The following RBMS3 variants were observed in gnomAD, a reference collection of about 807,000 sequenced individuals.
RBMS3 encodes RNA-binding motif, single-stranded-interacting protein 3.
A neutral mutation model predicts 66.8 loss-of-function variants in RBMS3; 27 were observed. The ratio of observed to expected loss-of-function variants is 0.40; its 90% CI spans 0.30 to 0.56. The LOEUF (loss-of-function observed/expected upper bound fraction) is 0.56. Ranked by LOEUF, RBMS3 falls within the 20% of genes least tolerant of loss-of-function variation. The probability of loss-of-function intolerance (pLI) is 0.40; values close to 1 mark genes in which losing one functional copy is unlikely to be tolerated. For missense variants in RBMS3, 513 were observed against 549.5 expected (o/e 0.93, Z 0.66); for synonymous variants, 188 against 183.0 (o/e 1.03, Z -0.22).
chr3:29,917,461 G>T (rs2060666675), intron 10 of RBMS3, among the ~76,000 whole-genome samples: 1 of 152,056 alleles, frequency 6.6e-6, no homozygotes, highest in Non-Finnish European at 1.5e-5. Flanking sequence ...GAGATTTAAT[G>T]CAGTATAAAT....
intron 1 of RBMS3, among the ~76,000 whole-genome samples, chr3:29,366,075 T>C (rs13085378): frequency 0.65 from 98,282 of 152,042 alleles, 32,126 homozygotes; most frequent in Non-Finnish European, 0.69. Flanking sequence ...ACTTTAAGCT[T>C]TAAAAATATT....
intron 4 of RBMS3, among the ~76,000 whole-genome samples, chr3:29,696,354 C>T (rs9845517): frequency 0.12 from 17,975 of 152,152 alleles, 2,272 homozygotes; most frequent in African/African-American, 0.32. Flanking sequence ...ACATAGAACA[C>T]AGTAAGTGCT....
chr3:29,951,151 A>G (rs932337072), intron 12 of RBMS3, among the ~76,000 whole-genome samples: 2 of 151,852 alleles, frequency 1.3e-5, no homozygotes, highest in Non-Finnish European at 2.9e-5. Context: ...AAAGCTTCTA[A>G]TTCCTTTATT....
At chr3:29,961,818 A>G (rs1696467861) in intron 12 of RBMS3, among the ~76,000 whole-genome samples, 1 of 151,732 alleles carries the variant, frequency 6.6e-6, no homozygotes, top group Admixed American at 6.6e-5. Context: ...TGTGAGGATT[A>G]TGGGAACTAC....
chr3:29,799,615 A>AC (rs369969479), intron 6 of RBMS3, among the ~76,000 whole-genome samples: 10 of 151,964 alleles, frequency 6.6e-5, no homozygotes, highest in African/African-American at 1.7e-4. Flanking sequence ...ACTAAGCATG[A>AC]CCCCCCTCAG....
chr3:29,449,109 T>C (rs17023528), intron 2 of RBMS3, among the ~76,000 whole-genome samples: 32,849 of 152,084 alleles, frequency 0.22, 3,694 homozygotes, highest in African/African-American at 0.25. Flanking sequence ...AATGCTAACT[T>C]GTCTCAAAAA....
At chr3:29,999,456 A>G (rs986283795) in intron 14 of RBMS3, among the ~76,000 whole-genome samples, 1 of 152,238 alleles carries the variant, frequency 6.6e-6, no homozygotes, top group Non-Finnish European at 1.5e-5. Context: ...ATAAAGGCAC[A>G]TGCACATGTA....
At chr3:29,638,615 C>T (rs371881308) in intron 4 of RBMS3, among the ~76,000 whole-genome samples, 1 of 151,720 alleles carries the variant, frequency 6.6e-6, no homozygotes, top group African/African-American at 2.4e-5. Context: ...CAATTCTTGC[C>T]GTCCTGGAAC....
intron 1 of RBMS3, among the ~76,000 whole-genome samples, chr3:29,432,114 G>A (rs1005607479): frequency 5.3e-5 from 8 of 152,102 alleles, no homozygotes; most frequent in South Asian, 4.1e-4. Context: ...CTTGAAGCTC[G>A]CTGCATATGA....
intron 2 of RBMS3, among the ~76,000 whole-genome samples, chr3:29,462,019 G>T (rs186608960): frequency 1.5e-5 from 2 of 137,038 alleles, no homozygotes; most frequent in Non-Finnish European, 3.0e-5. Flanking sequence ...CTCATGATCC[G>T]CCCGTCTCAG....
intron 1 of RBMS3, among the ~76,000 whole-genome samples, chr3:29,313,520 G>C (rs1575523926): frequency 6.6e-6 from 1 of 151,682 alleles, no homozygotes; most frequent in African/African-American, 2.4e-5. Context: ...AGTCTATGGT[G>C]ACATGATTTA....
intron 4 of RBMS3, among the ~76,000 whole-genome samples, chr3:29,688,223 A>C (rs117048655): frequency 6.6e-6 from 1 of 152,090 alleles, no homozygotes; most frequent in Admixed American, 6.6e-5. Flanking sequence ...ACAATGACCA[A>C]TCTTCCAATG....
chr3:29,691,949 A>T (rs3043421), intron 4 of RBMS3, among the ~76,000 whole-genome samples: 2,461 of 64,536 alleles, frequency 0.038, 14 homozygotes, highest in Middle Eastern at 0.093. Flanking sequence ...CTCTCTCTCT[A>T]TTTTTTTTTT....
intron 6 of RBMS3, among the ~76,000 whole-genome samples, chr3:29,823,137 C>A (rs1375231493): frequency 6.6e-6 from 1 of 152,076 alleles, no homozygotes. Context: ...AGGGAAAAAT[C>A]TGCATACTAT....
chr3:29,281,724 A>G lies in RBMS3; in HGVS notation c.43A>G (p.Thr15Ala). 1 of 1,613,606 alleles carries G rather than the reference A, an allele frequency of 6.2e-7. No homozygotes were observed. The highest frequency in any genetic ancestry group is 1.1e-5 in the South Asian group (1 of 91,036). The change falls in exon 1 of 15, where the codon ACT becomes GCT. Residue 15 changes from threonine (T) to alanine (A), a missense_variant. Coordinates refer to ENST00000383767, the MANE Select transcript of RBMS3 (RefSeq NM_001003793.3). ...TCAGCCACAAATGTACCCCCAGTAC[A>G]CTTACTACTATCCTCATTATCTCCA... ...LDQPQMYPQY[T>A]YYYPHYLQTK...
intron 1 of RBMS3, among the ~76,000 whole-genome samples, chr3:29,358,136 A>G (rs547371384): frequency 1.1e-3 from 173 of 152,264 alleles, no homozygotes; most frequent in Non-Finnish European, 2.1e-3. Flanking sequence ...TACGTCCTGA[A>G]TGGTATTGCC....
chr3:29,920,171 C>G (rs1045620794), intron 10 of RBMS3, among the ~76,000 whole-genome samples: 8 of 152,110 alleles, frequency 5.3e-5, no homozygotes, highest in African/African-American at 1.7e-4. Context: ...CAAACCAGAT[C>G]AAGAAAGGTG....
chr3:29,615,687 G>A (rs1004695425), intron 4 of RBMS3, among the ~76,000 whole-genome samples: 1 of 152,124 alleles, frequency 6.6e-6, no homozygotes, highest in African/African-American at 2.4e-5. Context: ...ATCAGCCTGG[G>A]CAACATAGCT....
chr3:29,637,649 T>C (rs2049523341), intron 4 of RBMS3, among the ~76,000 whole-genome samples: 1 of 151,946 alleles, frequency 6.6e-6, no homozygotes, highest in African/African-American at 2.4e-5. Flanking sequence ...CTCTCTTGCA[T>C]GTACAGGCAG....
Sources: allele counts gnomAD v4.1 joint callset (sites outside exome capture counted in the v4.1 genomes callset), GRCh38; gene constraint gnomAD v4.1.1; transcripts MANE v1.5; gene names NCBI Gene and HGNC (gene_info 2026-07-23, HGNC 2026-07-21).